Variants in PTMS observed in about 807,000 individuals in gnomAD.
PTMS encodes the protein parathymosin.
Under a neutral mutation model 18.4 loss-of-function variants are expected in PTMS, and 5 were observed. That is an observed-to-expected ratio of 0.27 (90% CI 0.14 to 0.57). The LOEUF (loss-of-function observed/expected upper bound fraction) is 0.57. Among genes scored for constraint, PTMS ranks in the 20% least tolerant of loss-of-function variants. The pLI, the probability that PTMS is intolerant of heterozygous loss-of-function variation, is 0.92. For synonymous variants in PTMS, 53 were observed against 47.7 expected, an observed-to-expected ratio of 1.11 and a Z score of -0.46; for missense variants, 93 against 124.6, an observed-to-expected ratio of 0.75 and a Z score of 1.21.
chr12:6,769,749 T>A, intron 2 of PTMS, 75 bp downstream of exon 2: 3 of 1,604,230 alleles, frequency 1.9e-6, no homozygotes, highest in Admixed American at 3.4e-5. Context: ...TTCCTCTGCT[T>A]TCCTTCCGAG....
At chr12:6,769,245 G>T (rs1400197172) in intron 1 of PTMS, 1 of 294,302 alleles carries the variant, frequency 3.4e-6, no homozygotes, top group Non-Finnish European at 6.4e-6. Flanking sequence ...ACACAGGAGG[G>T]GGCGGGGCAC....
chr12:6,770,630 G>A lies in PTMS; in HGVS notation c.*188G>A, dbSNP rs899890019. ...ACACTGCGCCCTCCACCCTCACTCTGCCATTGTTCCACCTCCTGACCTGCT... is the reference window on the plus strand; with the variant it reads ...ACACTGCGCCCTCCACCCTCACTCTACCATTGTTCCACCTCCTGACCTGCT... On this transcript the variant is annotated 3_prime_UTR_variant, in exon 5 of 5. Coordinates refer to ENST00000309083, the MANE Select transcript of PTMS (RefSeq NM_002824.6). This position sits in a 1 kb window ranked among gnomAD's most constrained non-coding sequence, Gnocchi z 7.3. 7 of 675,660 alleles carry A rather than the reference G, an allele frequency of 1.0e-5. No homozygotes were observed. The highest frequency in any genetic ancestry group is 9.1e-5 in the African/African-American group (5 of 55,110). 41.9% of individuals were successfully genotyped at this position (675,660 alleles called of 1,614,324 possible). A position where few individuals can be genotyped will look rare whatever the true frequency, so the allele number is the denominator to read the frequency against.
chr12:6,768,593 AT>A (rs1387806417), intron 1 of PTMS, among the ~76,000 whole-genome samples: 1 of 152,172 alleles, frequency 6.6e-6, no homozygotes, highest in African/African-American at 2.4e-5. Context: ...CCAACACCAG[AT>A]CAGATCACAC....
At chr12:6,767,203 C>T (rs908922725) in intron 1 of PTMS, 1 of 152,002 alleles carries the variant, frequency 6.6e-6, no homozygotes, top group Non-Finnish European at 1.5e-5. Flanking sequence ...GAGGCTGCTC[C>T]TCCGGGCCCC....
chr12:6,770,542 G>C lies in PTMS; in HGVS notation c.*100G>C. On this transcript the variant is annotated 3_prime_UTR_variant, in exon 5 of 5. Coordinates refer to ENST00000309083, the MANE Select transcript of PTMS (RefSeq NM_002824.6). This position sits in a 1 kb window ranked among gnomAD's most constrained non-coding sequence, Gnocchi z 7.3. ...ACTCTTCACCTGGCTCCCTGCTCTGGGCCCTGCACCAGAGCTGCCACCCTC... is the reference window on the plus strand; with the variant it reads ...ACTCTTCACCTGGCTCCCTGCTCTGCGCCCTGCACCAGAGCTGCCACCCTC... 5 of 1,400,392 alleles carry C rather than the reference G, an allele frequency of 3.6e-6. No homozygotes were observed. The highest frequency in any genetic ancestry group is 5.1e-6 in the Non-Finnish European group (5 of 989,760). The allele number at this position is 1,400,392 out of a possible 1,614,324, so 86.7% of individuals were successfully genotyped here. A position where few individuals can be genotyped will look rare whatever the true frequency, so the allele number is the denominator to read the frequency against.
rs1441998750 is a variant in PTMS at position 6,770,304 on chromosome 12, TG to T, written c.259-86del. 2 of 1,606,126 alleles carry T rather than the reference TG, an allele frequency of 1.2e-6. No homozygotes were observed. Among genetic ancestry groups the T allele is most frequent in the East Asian group, 4.5e-5 (2 of 44,830 alleles). On this transcript the variant is annotated intron_variant, in intron 4 of 4. Transcript: ENST00000309083. This position sits in a 1 kb window ranked among gnomAD's most constrained non-coding sequence, Gnocchi z 7.3. The stretch of plus-strand genomic sequence containing the variant: ...TTGGATTTGGACCCAGATCCCTGTG[TG>T]GCAGGGGTGGGGGCTGGAACAGGAC...
In PTMS at chr12:6,770,545, C is replaced by G; in HGVS notation, c.*103C>G. The G allele has an allele frequency of 2.2e-6, 3 of 1,372,064 alleles. No individual in the cohort carries two copies. The highest frequency in any genetic ancestry group is 2.1e-4 in the Middle Eastern group (1 of 4,656). 85.0% of individuals were successfully genotyped at this position (1,372,064 alleles called of 1,614,324 possible). ...CTTCACCTGGCTCCCTGCTCTGGGC[C>G]CTGCACCAGAGCTGCCACCCTCTTC... On this transcript the variant is annotated 3_prime_UTR_variant, in exon 5 of 5. Transcript: ENST00000309083. This position sits in a 1 kb window ranked among gnomAD's most constrained non-coding sequence, Gnocchi z 7.3.
In PTMS at chr12:6,769,732, C is replaced by T. The variant is rs914865849; in HGVS notation, c.117+58C>T. ...CCCTACCATCTTCCCTCCCAATCAT[C>T]TCATCCTTCCTCTGCTTTCCTTCCG... On this transcript the variant is annotated intron_variant, in intron 2 of 4. Transcript: ENST00000309083. 4 of 1,606,606 alleles carry T rather than the reference C, an allele frequency of 2.5e-6. No individual in the cohort carries two copies. The African/African-American group carries it at 5.4e-5, about 22-fold the overall frequency.
chr12:6,766,627 A>G lies in PTMS; in HGVS notation c.-79A>G. 3 of 867,750 alleles carry G rather than the reference A, an allele frequency of 3.5e-6. No individual in the cohort carries two copies. Among genetic ancestry groups the G allele is most frequent in the Non-Finnish European group, 4.3e-6 (3 of 705,210 alleles). 53.8% of individuals were successfully genotyped at this position (867,750 alleles called of 1,614,324 possible). ...ACCGCGCCAGGTTCCGGCCGCGGCCACCCTCCGCCGTCCAGGGCCCCTCCG... is the reference window on the plus strand; with the variant it reads ...ACCGCGCCAGGTTCCGGCCGCGGCCGCCCTCCGCCGTCCAGGGCCCCTCCG... On this transcript the variant is annotated 5_prime_UTR_variant, in exon 1 of 5. Transcript: ENST00000309083.
chr12:6,769,818 C>T (rs1762442024), intron 2 of PTMS, 103 bp from the exon 3 acceptor site: 1 of 1,607,786 alleles, frequency 6.2e-7, no homozygotes, highest in Non-Finnish European at 8.5e-7. Context: ...ACCCTGTGGC[C>T]CATCCCAAGC....
Position 6,770,037 on chromosome 12 carries a change from G to T in PTMS, c.196+38G>T, listed in dbSNP as rs1364825895. 1 of 1,571,148 alleles carries T rather than the reference G, an allele frequency of 6.4e-7. No individual in the cohort carries two copies. Among genetic ancestry groups the T allele is most frequent in the African/African-American group, 1.4e-5 (1 of 73,494 alleles). ...AGGGGAGGCTGGGCTGGCAAAGTCTGGGCTCAAAGGAGAGCAGAGTCAGGG... is the reference window on the plus strand; with the variant it reads ...AGGGGAGGCTGGGCTGGCAAAGTCTTGGCTCAAAGGAGAGCAGAGTCAGGG... On this transcript the variant is annotated intron_variant, in intron 3 of 4. Transcript: ENST00000309083. This position sits in a 1 kb window ranked among gnomAD's most constrained non-coding sequence, Gnocchi z 7.3.
Position 6,770,264 on chromosome 12 carries a change from C to T in PTMS, c.258+46C>T, listed in dbSNP as rs1396245776. ...CCTGAGGGGCTGTCAGGGATGCAGC[C>T]GGGCTGGGCGCCCTTTGGATTTGGA... On this transcript the variant is annotated intron_variant, in intron 4 of 4. Coordinates refer to ENST00000309083, the MANE Select transcript of PTMS (RefSeq NM_002824.6). The surrounding 1 kb of genome is among the most constrained non-coding windows in gnomAD (Gnocchi z 7.3). The T allele has an allele frequency of 3.7e-5, 60 of 1,612,048 alleles. No individual in the cohort carries two copies. The highest frequency in any genetic ancestry group is 4.8e-5 in the Non-Finnish European group (57 of 1,178,316).
In PTMS at chr12:6,766,762, GGC is replaced by G; in HGVS notation, c.45+14_45+15del. On this transcript the variant is annotated intron_variant, in intron 1 of 4. Transcript: ENST00000309083. ...AGTTGAGCGCCAAGGTACGGGCGGG[GGC>G]GGCGGCGGCCCGGACCTCGCGCAGC... 1 of 1,068,728 alleles carries G rather than the reference GGC, an allele frequency of 9.4e-7. No homozygotes were observed. 66.2% of individuals were successfully genotyped at this position (1,068,728 alleles called of 1,614,324 possible).
rs964484461 is a variant in PTMS, at chr12:6,770,297, C to T, written c.258+79C>T. 132 of 1,609,270 alleles carry T rather than the reference C, an allele frequency of 8.2e-5. No individual in the cohort carries two copies. The highest frequency in any genetic ancestry group is 1.7e-5 in the Non-Finnish European group (20 of 1,175,764). ...GCGCCCTTTGGATTTGGACCCAGAT[C>T]CCTGTGTGGCAGGGGTGGGGGCTGG... is the stretch of plus-strand genomic sequence containing the variant. On this transcript the variant is annotated intron_variant, in intron 4 of 4. Coordinates refer to ENST00000309083, the MANE Select transcript of PTMS (RefSeq NM_002824.6). The surrounding 1 kb of genome is among the most constrained non-coding windows in gnomAD (Gnocchi z 7.3).
intron 1 of PTMS, 120 bp from the exon 2 acceptor site, chr12:6,769,483 T>C: frequency 9.1e-7 from 1 of 1,101,406 alleles, no homozygotes; most frequent in Non-Finnish European, 1.4e-6. Flanking sequence ...CTCTAAGCTG[T>C]GGCCACCTTA....
In PTMS at chr12:6,766,684, C is replaced by A; in HGVS notation, c.-22C>A. 8.9e-7 allele frequency: 1 copy of A among 1,122,694 alleles called. No individual in the cohort carries two copies. The highest frequency in any genetic ancestry group is 2.7e-5 in the South Asian group (1 of 37,036). 69.5% of individuals were successfully genotyped at this position (1,122,694 alleles called of 1,614,324 possible). On this transcript the variant is annotated 5_prime_UTR_variant, in exon 1 of 5. Coordinates refer to ENST00000309083, the MANE Select transcript of PTMS (RefSeq NM_002824.6). ...CCCCGGGACCCCGGCTCCCCGCCAG[C>A]CCCGGCCCCGGCCCCGGCACCATGT...
At position 6,770,720 on chromosome 12, in the gene PTMS, C is replaced by T. The variant is rs1941827907; in HGVS notation, c.*278C>T. The T allele has an allele frequency of 3.7e-6, 2 of 542,616 alleles. No individual in the cohort carries two copies. The highest frequency in any genetic ancestry group is 3.2e-5 in the East Asian group (1 of 31,476). The allele number at this position is 542,616 out of a possible 1,614,324, so 33.6% of individuals were successfully genotyped here. A position where few individuals can be genotyped will look rare whatever the true frequency, so the allele number is the denominator to read the frequency against. On this transcript the variant is annotated 3_prime_UTR_variant, in exon 5 of 5. Transcript: ENST00000309083. This position sits in a 1 kb window ranked among gnomAD's most constrained non-coding sequence, Gnocchi z 7.3. ...TCTCTTTGCTCTCTTTCTCCCTCCC[C>T]TACCAGCCTCATTCTTCCTCCGGTA... is the stretch of plus-strand genomic sequence containing the variant.
At position 6,766,506 on chromosome 12, in the gene PTMS, ACCCACCCCCGC is replaced by A. The variant is rs1282839490; in HGVS notation, c.-191_-181del. ...GCAGCCCTGCGGGTCTCCGCTCCAG[ACCCACCCCCGC>A]CCCACCCCGCGCGCCTCTGCCGCCT... On this transcript the variant is annotated 5_prime_UTR_variant, in exon 1 of 5. Coordinates refer to ENST00000309083, the MANE Select transcript of PTMS (RefSeq NM_002824.6). 4 of 233,614 alleles carry A rather than the reference ACCCACCCCCGC, an allele frequency of 1.7e-5. No individual in the cohort carries two copies. The highest frequency in any genetic ancestry group is 3.5e-5 in the Non-Finnish European group (4 of 115,112). 14.5% of individuals were successfully genotyped at this position (233,614 alleles called of 1,614,324 possible). A position where few individuals can be genotyped will look rare whatever the true frequency, so the allele number is the denominator to read the frequency against.
chr12:6,768,234 C>T (rs567695452), intron 1 of PTMS, among the ~76,000 whole-genome samples: 1 of 152,350 alleles, frequency 6.6e-6, no homozygotes, highest in Non-Finnish European at 1.5e-5. Flanking sequence ...AGGCCAGGGC[C>T]ATACAGACTT....
Sources: allele counts gnomAD v4.1 joint callset (sites outside exome capture counted in the v4.1 genomes callset), GRCh38; gene constraint gnomAD v4.1.1; non-coding constraint Gnocchi (gnomAD v3.1); transcripts MANE v1.5; gene names NCBI Gene and HGNC (gene_info 2026-07-23, HGNC 2026-07-21).